Variants in DOCK4 observed in about 807,000 individuals in gnomAD.
DOCK4 encodes the protein dedicator of cytokinesis protein 4.
DOCK4 carries 97 observed loss-of-function variants against 268.1 expected under a neutral mutation model. That is an observed-to-expected ratio of 0.36 (90% CI 0.31 to 0.43). The LOEUF (loss-of-function observed/expected upper bound fraction) is 0.43. DOCK4 is among the 20% of genes least tolerant of loss of function. The pLI is 1.00. For synonymous variants in DOCK4, 954 were observed against 887.2 expected, an observed-to-expected ratio of 1.08 and a Z score of -1.34; for missense variants, 2,145 against 2,455.7, an observed-to-expected ratio of 0.87 and a Z score of 2.67.
intron 35 of DOCK4, among the ~76,000 whole-genome samples, chr7:111,779,986 T>C (rs1235362111): frequency 6.6e-6 from 1 of 152,218 alleles, no homozygotes; most frequent in Non-Finnish European, 1.5e-5. Flanking sequence ...AAATCGGTGA[T>C]GAGGGAATAA....
At position 112,079,816 on chromosome 7, in the gene DOCK4, A is replaced by C. The variant is rs1808417562; in HGVS notation, c.38-75685T>G. Reference sequence around the variant, plus strand: ...TAAAATAATGCACATAACTGGTTACAGCAAGCACTGGTTATCATTAATAAC... The same window carrying C: ...TAAAATAATGCACATAACTGGTTACCGCAAGCACTGGTTATCATTAATAAC... On this transcript the variant is annotated intron_variant, in intron 1 of 52. Transcript: ENST00000428084. Among the ~76,000 whole-genome samples the C allele has an allele frequency of 1.3e-5, 2 of 152,332 alleles. 1 individual carries two copies. Among genetic ancestry groups the C allele is most frequent in the African/African-American group, 4.8e-5 (2 of 41,590 alleles).
intron 23 of DOCK4, among the ~76,000 whole-genome samples, chr7:111,854,296 T>C (rs570907693): frequency 8.5e-5 from 13 of 152,356 alleles, no homozygotes; most frequent in African/African-American, 2.9e-4. Flanking sequence ...ATTACAGACA[T>C]TGTATGGAAA....
chr7:111,760,736 TTTTG>T (rs757761461), intron 39 of DOCK4, among the ~76,000 whole-genome samples: 18 of 123,190 alleles, frequency 1.5e-4, no homozygotes, highest in Admixed American at 5.4e-4. Context: ...GTTGTCTGCT[TTTTG>T]TGTGTGTGTG....
At chr7:112,106,760 G>T (rs1449442620) in intron 1 of DOCK4, among the ~76,000 whole-genome samples, 3 of 152,170 alleles carry the variant, frequency 2.0e-5, no homozygotes, top group Non-Finnish European at 4.4e-5. Flanking sequence ...GAAGATTCCT[G>T]TGCGGATTTA....
chr7:111,763,964 T>A (rs776388637), intron 39 of DOCK4, among the ~76,000 whole-genome samples: 5 of 152,218 alleles, frequency 3.3e-5, no homozygotes, highest in Non-Finnish European at 7.3e-5. Context: ...TTTTTGGGAT[T>A]ACAGTGTGCC....
intron 8 of DOCK4, among the ~76,000 whole-genome samples, chr7:111,954,307 G>A (rs1796286806): frequency 6.6e-6 from 1 of 152,178 alleles, no homozygotes; most frequent in Non-Finnish European, 1.5e-5. Flanking sequence ...GTCCAGGCAA[G>A]ATACTTTGGG....
chr7:111,790,845 T>G (rs1799476448), intron 30 of DOCK4, among the ~76,000 whole-genome samples: 1 of 151,444 alleles, frequency 6.6e-6, no homozygotes, highest in Non-Finnish European at 1.5e-5. Flanking sequence ...GATCACGAGG[T>G]CAGGAGATCG....
intron 1 of DOCK4, among the ~76,000 whole-genome samples, chr7:112,131,795 A>T (rs554846504): frequency 6.6e-6 from 1 of 152,322 alleles, no homozygotes; most frequent in African/African-American, 2.4e-5. Flanking sequence ...TGACACAAAA[A>T]AGGAGGAAGG....
intron 36 of DOCK4, among the ~76,000 whole-genome samples, chr7:111,776,481 G>A (rs751731543): frequency 2.0e-5 from 3 of 152,138 alleles, no homozygotes; most frequent in Non-Finnish European, 4.4e-5. Flanking sequence ...ATAGACATTA[G>A]TGATCTGAAA....
chr7:111,931,847 A>G (rs1794227580), intron 12 of DOCK4, among the ~76,000 whole-genome samples: 1 of 152,210 alleles, frequency 6.6e-6, no homozygotes, highest in Non-Finnish European at 1.5e-5. Context: ...TGCTTTGCAT[A>G]CATTTTTTCT....
chr7:111,960,294 G>A (rs1456547666), intron 8 of DOCK4, among the ~76,000 whole-genome samples: 1 of 150,870 alleles, frequency 6.6e-6, no homozygotes, highest in African/African-American at 2.4e-5. Context: ...AACCCGGGAG[G>A]CAGAGGTTGC....
intron 36 of DOCK4, among the ~76,000 whole-genome samples, chr7:111,776,849 C>T (rs1022650567): frequency 3.3e-5 from 5 of 151,922 alleles, no homozygotes; most frequent in Non-Finnish European, 7.3e-5. Flanking sequence ...GAGACAGGGT[C>T]GGGCTCTGTC....
At chr7:112,181,564 C>G (rs556454081) in intron 1 of DOCK4, among the ~76,000 whole-genome samples, 8 of 140,834 alleles carry the variant, frequency 5.7e-5, no homozygotes, top group African/African-American at 2.2e-4. Flanking sequence ...TGCTTGAGCC[C>G]AGGAGTTCCA....
chr7:112,197,839 T>G (rs1487476219), intron 1 of DOCK4, among the ~76,000 whole-genome samples: 2 of 152,074 alleles, frequency 1.3e-5, no homozygotes, highest in Non-Finnish European at 2.9e-5. Context: ...AACTTCTCTT[T>G]TTTGGTGCAG....
chr7:111,957,943 T>C (rs1226351541), intron 8 of DOCK4, among the ~76,000 whole-genome samples: 1 of 152,168 alleles, frequency 6.6e-6, no homozygotes, highest in Non-Finnish European at 1.5e-5. Context: ...TTTTTTAGCA[T>C]GACAGTGTTT....
intron 1 of DOCK4, among the ~76,000 whole-genome samples, chr7:112,086,926 C>A (rs1014306297): frequency 6.6e-6 from 1 of 152,072 alleles, no homozygotes; most frequent in African/African-American, 2.4e-5. Flanking sequence ...CCAGCACCCC[C>A]ACCACCCCTG....
rs985197533 is a variant in DOCK4 at position 111,727,503 on chromosome 7, C to G, written c.*771G>C. The stretch of plus-strand genomic sequence containing the variant: ...TGACAAATTTTATATAGGAAACTAT[C>G]AAGAAAGGAAGCGCAAAATTCAAGT... On this transcript the variant is annotated 3_prime_UTR_variant, in exon 53 of 53. Coordinates refer to ENST00000428084, the MANE Select transcript of DOCK4 (RefSeq NM_001363540.2). The G allele has an allele frequency of 6.6e-6, 1 of 152,540 alleles. No homozygotes were observed. Among genetic ancestry groups the G allele is most frequent in the African/African-American group, 2.4e-5 (1 of 41,424 alleles). 9.4% of individuals were successfully genotyped at this position (152,540 alleles called of 1,614,324 possible).
At chr7:111,949,414 T>C (rs897519565) in intron 8 of DOCK4, among the ~76,000 whole-genome samples, 7 of 152,202 alleles carry the variant, frequency 4.6e-5, no homozygotes, top group Non-Finnish European at 1.0e-4. Flanking sequence ...TCCTTTTTGC[T>C]CTGTCACTAT....
At chr7:111,840,753 G>A (rs372507477) in intron 25 of DOCK4, 474 of 1,253,164 alleles carry the variant, frequency 3.8e-4, no homozygotes, top group Non-Finnish European at 4.6e-4. Flanking sequence ...TGGGATCTGC[G>A]TTTACTCACA....
Sources: allele counts gnomAD v4.1 joint callset (sites outside exome capture counted in the v4.1 genomes callset), GRCh38; gene constraint gnomAD v4.1.1; transcripts MANE v1.5; gene names NCBI Gene and HGNC (gene_info 2026-07-23, HGNC 2026-07-21).